Variants in WWOX observed in about 807,000 individuals in gnomAD.
WWOX encodes WW domain containing oxidoreductase, also known as WW domain-containing oxidoreductase.
WWOX carries 69 observed loss-of-function variants against 46.2 expected under a neutral mutation model. That is an observed-to-expected ratio of 1.49 (90% CI 1.23 to 1.82). The LOEUF (loss-of-function observed/expected upper bound fraction) is 1.82. WWOX is among the 40% of genes most tolerant of loss of function. The pLI, the probability that WWOX is intolerant of heterozygous loss-of-function variation, is 0.00. For synonymous variants in WWOX, 359 were observed against 202.6 expected, an observed-to-expected ratio of 1.77 and a Z score of -6.56; for missense variants, 919 against 542.6, an observed-to-expected ratio of 1.69 and a Z score of -6.89.
chr16:78,955,407 G>T (rs1279269880), intron 8 of WWOX, among the ~76,000 whole-genome samples: 1 of 152,158 alleles, frequency 6.6e-6, no homozygotes, highest in East Asian at 1.9e-4. Flanking sequence ...AGTGAGAGGT[G>T]TGAGTTATTC....
intron 8 of WWOX, among the ~76,000 whole-genome samples, chr16:79,147,927 T>G (rs2050209954): frequency 6.6e-6 from 1 of 152,232 alleles, no homozygotes; most frequent in African/African-American, 2.4e-5. Flanking sequence ...TTTGAATTGT[T>G]GTATTATTGT....
At chr16:78,882,730 C>G (rs1288705627) in intron 8 of WWOX, among the ~76,000 whole-genome samples, 1 of 151,970 alleles carries the variant, frequency 6.6e-6, no homozygotes, top group African/African-American at 2.4e-5. Flanking sequence ...CTCAAGTGAT[C>G]CACCCGCTTC....
chr16:78,291,716 AT>A (rs2079861031), intron 5 of WWOX, among the ~76,000 whole-genome samples: 1 of 151,920 alleles, frequency 6.6e-6, no homozygotes, highest in Non-Finnish European at 1.5e-5. Context: ...GCTGTAAAAA[AT>A]AAATAAAAAA....
chr16:78,435,125 C>T (rs937922668), intron 8 of WWOX, among the ~76,000 whole-genome samples: 3 of 151,936 alleles, frequency 2.0e-5, no homozygotes, highest in Admixed American at 6.6e-5. Context: ...TTTGGGAGTA[C>T]GTGTGCTCAG....
At chr16:78,885,729 A>C (rs1374078784) in intron 8 of WWOX, among the ~76,000 whole-genome samples, 1 of 152,150 alleles carries the variant, frequency 6.6e-6, no homozygotes, top group Non-Finnish European at 1.5e-5. Flanking sequence ...ATGGCAGAAG[A>C]TGAAGGGGGA....
chr16:78,639,489 C>G (rs951140048), intron 8 of WWOX, among the ~76,000 whole-genome samples: 2 of 151,990 alleles, frequency 1.3e-5, no homozygotes, highest in Non-Finnish European at 2.9e-5. Flanking sequence ...AGAATAAACC[C>G]GGAGTTGCCT....
intron 8 of WWOX, among the ~76,000 whole-genome samples, chr16:78,848,055 G>A (rs1408670865): frequency 6.6e-6 from 1 of 152,268 alleles, no homozygotes; most frequent in Non-Finnish European, 1.5e-5. Context: ...GAGTCATCTA[G>A]CTACTAGCCA....
chr16:78,321,300 ATACGTATATATATG>A (rs2080464340), intron 5 of WWOX, among the ~76,000 whole-genome samples: 1 of 90,028 alleles, frequency 1.1e-5, no homozygotes, highest in African/African-American at 3.6e-5. Flanking sequence ...ACGTATATAT[ATACGTATATATATG>A]CGTATATATA....
At position 78,942,392 on chromosome 16, in the gene WWOX, C is replaced by T. The variant is rs548240882; in HGVS notation, c.1057-269216C>T. 2.1e-4 allele frequency among the ~76,000 whole-genome samples: 32 copies of T among 152,228 alleles called. No individual in the cohort carries two copies. In the South Asian group the frequency reaches 6.4e-3, roughly 31 times the overall value. ...CTTGCATATTTGATACTCTCTTTTGCACTCTCGGGAGCAGTTTTGAGGACA... is the reference window on the plus strand; with the variant it reads ...CTTGCATATTTGATACTCTCTTTTGTACTCTCGGGAGCAGTTTTGAGGACA... On this transcript the variant is annotated intron_variant, in intron 8 of 8. Coordinates refer to ENST00000566780, the MANE Select transcript of WWOX (RefSeq NM_016373.4).
chr16:78,234,120 C>CT (rs35461313), intron 5 of WWOX, among the ~76,000 whole-genome samples: 14,433 of 149,392 alleles, frequency 0.097, 914 homozygotes, highest in Non-Finnish European at 0.14. Flanking sequence ...AGTTCATATT[C>CT]TTTTTTTTTT....
chr16:78,138,257 TA>T, intron 4 of WWOX, among the ~76,000 whole-genome samples: 4 of 151,004 alleles, frequency 2.6e-5, no homozygotes, highest in Non-Finnish European at 4.4e-5. Flanking sequence ...TTCAATGACT[TA>T]CCTCTTTTTA....
intron 4 of WWOX, 85 bp from the exon 5 acceptor site, chr16:78,164,098 A>C: frequency 8.0e-7 from 1 of 1,251,368 alleles, no homozygotes; most frequent in East Asian, 2.5e-5. Context: ...GGGGTAATTT[A>C]AGTGGTGCTC....
chr16:79,074,409 CTTTTTTTTTTTTTTTTT>C (rs60074156), intron 8 of WWOX, among the ~76,000 whole-genome samples: 14 of 30,986 alleles, frequency 4.5e-4, no homozygotes, highest in South Asian at 1.8e-3. Flanking sequence ...GTCACTAGTC[CTTTTTTTTTTTTTTTTT>C]TTTTTTTTTT....
intron 8 of WWOX, among the ~76,000 whole-genome samples, chr16:78,904,192 C>T (rs2044900460): frequency 6.7e-6 from 1 of 148,804 alleles, no homozygotes; most frequent in African/African-American, 2.5e-5. Context: ...TTAGCAGTTA[C>T]AGGTGCTTGT....
chr16:78,674,152 C>T (rs1462181718), intron 8 of WWOX, among the ~76,000 whole-genome samples: 2 of 152,068 alleles, frequency 1.3e-5, no homozygotes, highest in East Asian at 1.9e-4. Flanking sequence ...AGCTCTCTTT[C>T]CTTTGGCTCA....
chr16:78,955,031 C>T (rs936390702), intron 8 of WWOX, among the ~76,000 whole-genome samples: 3 of 152,134 alleles, frequency 2.0e-5, no homozygotes, highest in Non-Finnish European at 4.4e-5. Context: ...TTCAAGTGAT[C>T]CTTCTGCATT....
intron 8 of WWOX, among the ~76,000 whole-genome samples, chr16:78,793,312 C>T (rs932281710): frequency 1.3e-5 from 2 of 152,160 alleles, no homozygotes; most frequent in Non-Finnish European, 2.9e-5. Context: ...CTGCCTGCCT[C>T]AGCCTCCCAG....
At chr16:78,833,630 C>G (rs532743329) in intron 8 of WWOX, among the ~76,000 whole-genome samples, 47 of 152,336 alleles carry the variant, frequency 3.1e-4, no homozygotes, top group African/African-American at 1.1e-3. Context: ...GTTCCTTTCT[C>G]TTGTGCATTA....
intron 8 of WWOX, among the ~76,000 whole-genome samples, chr16:78,644,584 C>G (rs1214114926): frequency 1.3e-5 from 2 of 152,100 alleles, no homozygotes; most frequent in Non-Finnish European, 2.9e-5. Flanking sequence ...GCCTCAGCCT[C>G]CCAAGTACCT....
Sources: gnomAD v4.1 joint callset for allele counts (sites outside exome capture counted in the v4.1 genomes callset) on GRCh38, gnomAD v4.1.1 for gene constraint, MANE v1.5 for transcripts, NCBI Gene and HGNC (gene_info 2026-07-23, HGNC 2026-07-21) for gene names.